Variants in PARD3 observed in about 807,000 individuals in gnomAD.
PARD3 encodes partitioning defective 3 homolog.
PARD3 carries 75 observed loss-of-function variants against 155.4 expected under a neutral mutation model. That is an observed-to-expected ratio of 0.48 (90% CI 0.40 to 0.58). The LOEUF (loss-of-function observed/expected upper bound fraction) is 0.58. Ranked by LOEUF, PARD3 falls within the 20% of genes least tolerant of loss-of-function variation. The pLI, the probability that PARD3 is intolerant of heterozygous loss-of-function variation, is 0.00. For missense variants in PARD3, 1,642 were observed against 1,721.7 expected (o/e 0.95, Z 0.82); for synonymous variants, 576 against 610.5 (o/e 0.94, Z 0.83).
intron 2 of PARD3, among the ~76,000 whole-genome samples, chr10:34,686,818 G>A (rs2093960387): frequency 6.6e-6 from 1 of 152,070 alleles, no homozygotes; most frequent in Non-Finnish European, 1.5e-5. Context: ...GGAGGCTGAG[G>A]AGGGTGGATC....
At chr10:34,542,756 T>TA (rs913500028) in intron 2 of PARD3, among the ~76,000 whole-genome samples, 20 of 151,968 alleles carry the variant, frequency 1.3e-4, no homozygotes, top group South Asian at 4.2e-4. Context: ...ACTGTAAAAC[T>TA]AAAAAAAAGC....
chr10:34,484,834 T>C (rs1050667526), intron 3 of PARD3, among the ~76,000 whole-genome samples: 5 of 152,198 alleles, frequency 3.3e-5, no homozygotes, highest in African/African-American at 1.2e-4. Flanking sequence ...TGCATTCTCC[T>C]GCAGGCCACC....
rs115827488 is a variant in PARD3 at position 34,144,533 on chromosome 10, C to T, written c.3420-12950G>A. Reference sequence around the variant, plus strand: ...GTAAGTTGCCAGTATGAATCTATTACACAAAGCAAAAGCTAGGAATTTAAT... The same window carrying T: ...GTAAGTTGCCAGTATGAATCTATTATACAAAGCAAAAGCTAGGAATTTAAT... On this transcript the variant is annotated intron_variant, in intron 22 of 24. Coordinates refer to ENST00000374788, the MANE Select transcript of PARD3 (RefSeq NM_001184785.2). Among the ~76,000 whole-genome samples the T allele has an allele frequency of 6.2e-3, 947 of 152,280 alleles. 7 individuals carry two copies. Among genetic ancestry groups the T allele is most frequent in the African/African-American group, 0.022 (902 of 41,562 alleles).
At chr10:34,365,763 T>A (rs1314693149) in intron 12 of PARD3, among the ~76,000 whole-genome samples, 6 of 152,090 alleles carry the variant, frequency 3.9e-5, no homozygotes, top group Admixed American at 3.9e-4. Context: ...AATTTTTATG[T>A]TTTTAGTAGA....
intron 20 of PARD3, among the ~76,000 whole-genome samples, chr10:34,296,041 T>A (rs1007521370): frequency 2.0e-5 from 3 of 152,122 alleles, no homozygotes. Flanking sequence ...GCTAGCTGGG[T>A]TGGGCAGGGA....
intron 2 of PARD3, among the ~76,000 whole-genome samples, chr10:34,674,037 C>T (rs567410669): frequency 2.0e-5 from 3 of 149,856 alleles, no homozygotes; most frequent in South Asian, 2.1e-4. Flanking sequence ...CAACTTGTTA[C>T]ATATTCTTAG....
intron 22 of PARD3, among the ~76,000 whole-genome samples, chr10:34,134,325 A>C (rs1692712): frequency 0.5 from 75,516 of 151,926 alleles, 20,061 homozygotes; most frequent in Non-Finnish European, 0.6. Context: ...TTATGGGAGG[A>C]TTATAGGAGG....
intron 2 of PARD3, among the ~76,000 whole-genome samples, chr10:34,617,800 T>TC (rs1200973112): frequency 3.3e-5 from 5 of 152,134 alleles, no homozygotes; most frequent in African/African-American, 1.2e-4. Flanking sequence ...AAGGGATGCC[T>TC]CCTTCAAGGA....
intron 2 of PARD3, among the ~76,000 whole-genome samples, chr10:34,688,964 G>A (rs1265705798): frequency 1.3e-5 from 2 of 152,154 alleles, no homozygotes; most frequent in Non-Finnish European, 2.9e-5. Flanking sequence ...CTGTGGTTTT[G>A]TAACTTAGTG....
At chr10:34,696,263 A>G in intron 2 of PARD3, 55 bp downstream of exon 2, 1 of 884,178 alleles carries the variant, frequency 1.1e-6, no homozygotes, top group East Asian at 2.5e-5. Context: ...CCCGCTCCCT[A>G]GTCCTCAAAA....
intron 22 of PARD3, among the ~76,000 whole-genome samples, chr10:34,196,926 A>G (rs903187671): frequency 4.6e-5 from 7 of 152,092 alleles, no homozygotes; most frequent in African/African-American, 1.7e-4. Context: ...GGTGCCTCCC[A>G]TGCTAATTCT....
At chr10:34,547,296 T>C (rs889146990) in intron 2 of PARD3, among the ~76,000 whole-genome samples, 5 of 152,348 alleles carry the variant, frequency 3.3e-5, no homozygotes, top group Middle Eastern at 3.4e-3. Context: ...CATTTAAAAA[T>C]AGAACACTGG....
intron 2 of PARD3, among the ~76,000 whole-genome samples, chr10:34,567,216 A>G (rs1018982852): frequency 6.6e-6 from 1 of 152,240 alleles, no homozygotes; most frequent in African/African-American, 2.4e-5. Flanking sequence ...GATACTGAAC[A>G]AAGTACTGAT....
intron 22 of PARD3, among the ~76,000 whole-genome samples, chr10:34,203,478 C>T (rs184957315): frequency 2.0e-5 from 3 of 152,308 alleles, no homozygotes; most frequent in African/African-American, 2.4e-5. Flanking sequence ...CCAAAATCCA[C>T]GGATGTGCAA....
intron 2 of PARD3, among the ~76,000 whole-genome samples, chr10:34,620,554 T>C (rs2091595946): frequency 6.6e-6 from 1 of 152,238 alleles, no homozygotes; most frequent in African/African-American, 2.4e-5. Flanking sequence ...GGCTGTTTGA[T>C]GAACAAAACA....
chr10:34,297,064 G>A (rs1012658799), intron 20 of PARD3, among the ~76,000 whole-genome samples: 7 of 152,138 alleles, frequency 4.6e-5, no homozygotes, highest in African/African-American at 1.7e-4. Context: ...CTCACAACTG[G>A]AATTCCAGCA....
intron 20 of PARD3, among the ~76,000 whole-genome samples, chr10:34,300,622 G>C: frequency 8.3e-6 from 1 of 120,934 alleles, no homozygotes; most frequent in East Asian, 2.1e-4. Context: ...GACAGAGCAA[G>C]ATCTTGTTTA....
At chr10:34,489,324 T>C (rs1564771696) in intron 3 of PARD3, among the ~76,000 whole-genome samples, 1 of 152,156 alleles carries the variant, frequency 6.6e-6, no homozygotes, top group Non-Finnish European at 1.5e-5. Context: ...GGACAAAGCA[T>C]ACACATGTGA....
chr10:34,346,056 C>A, intron 15 of PARD3: 5 of 986,778 alleles, frequency 5.1e-6, no homozygotes, highest in Non-Finnish European at 6.0e-6. Context: ...GCATTTGTCA[C>A]CCCCAGCCCA....
Sources: allele counts gnomAD v4.1 joint callset (sites outside exome capture counted in the v4.1 genomes callset), GRCh38; gene constraint gnomAD v4.1.1; transcripts MANE v1.5; gene names NCBI Gene and HGNC (gene_info 2026-07-23, HGNC 2026-07-21).